Variants in KIF9 observed in about 807,000 individuals in gnomAD.
KIF9 encodes the protein kinesin-like protein KIF9.
Under a neutral mutation model 94.8 loss-of-function variants are expected in KIF9, and 68 were observed. That is an observed-to-expected ratio of 0.72 (90% CI 0.59 to 0.88). The LOEUF (loss-of-function observed/expected upper bound fraction) is 0.88, where lower values mean the gene tolerates loss of function less well. KIF9 is among the 40% of genes least tolerant of loss of function. The pLI is 0.00. For missense variants in KIF9, 882 were observed against 982.5 expected, an observed-to-expected ratio of 0.90 and a Z score of 1.37; for synonymous variants, 343 against 362.1, an observed-to-expected ratio of 0.95 and a Z score of 0.60.
chr3:47,282,305 A>T (rs1036561637), intron 1 of KIF9, 190 bp downstream of exon 1: 17 of 985,568 alleles, frequency 1.7e-5, no homozygotes, highest in Non-Finnish European at 1.9e-5. Flanking sequence ...AGCTCCGAAG[A>T]CCGTAAGCCG....
At chr3:47,247,249 C>A in intron 12 of KIF9, 124 bp downstream of exon 12, 1 of 659,962 alleles carries the variant, frequency 1.5e-6, no homozygotes, top group Admixed American at 2.2e-5. Flanking sequence ...GAGTCCAGCA[C>A]CACCCTCCAC....
At chr3:47,281,053 A>C (rs954322136) in intron 1 of KIF9, 2 of 702,836 alleles carry the variant, frequency 2.8e-6, no homozygotes, top group African/African-American at 1.7e-5. Flanking sequence ...TGTGCTTTTT[A>C]TCTCTTTTGA....
chr3:47,245,053 C>A, intron 14 of KIF9, 129 bp from the exon 15 acceptor site: 1 of 1,262,780 alleles, frequency 7.9e-7, no homozygotes, highest in East Asian at 2.5e-5. Flanking sequence ...TTGACAGCTG[C>A]TGATGCCAGC....
chr3:47,244,889 AC>A lies in KIF9; in HGVS notation c.1415del (p.Gly472ValfsTer46). 1.9e-6 allele frequency: 3 copies of A among 1,614,104 alleles called. No homozygotes were observed. The highest frequency in any genetic ancestry group is 2.5e-6 in the Non-Finnish European group (3 of 1,180,004). ...GTCCAAAGTTTTGTCCTTCAGGCTC[AC>A]CCACTAGGTGGCCATCAACATCCAC... ...GLVDVDGHLVGEPEGQNFGLG... is the reference protein window; with the variant it reads ...GLVDVDGHLVXEPEGQNFGLG... On this transcript the variant is annotated frameshift_variant, in exon 15 of 21. Transcript: ENST00000684063. LOFTEE classifies it high-confidence loss of function.
At chr3:47,240,023 C>T in intron 17 of KIF9, 1 of 1,021,058 alleles carries the variant, frequency 9.8e-7, no homozygotes, top group South Asian at 1.5e-5. Context: ...GGTCCTGGGC[C>T]CTGCTCCATC....
At chr3:47,235,846 A>G (rs1028771086) in intron 19 of KIF9, among the ~76,000 whole-genome samples, 188 bp downstream of exon 19, 1 of 152,132 alleles carries the variant, frequency 6.6e-6, no homozygotes, top group Non-Finnish European at 1.5e-5. Flanking sequence ...CAGTAGTAAG[A>G]GTGGTATTTT....
chr3:47,267,048 T>G lies in KIF9; in HGVS notation c.696A>C (p.Ser232=). The change falls in exon 7 of 21, where the codon TCA becomes TCC. Residue 232 remains serine (S), a synonymous_variant. Transcript: ENST00000684063. The stretch of plus-strand genomic sequence containing the variant: ...TTTTGGAAGTGATGTACTTTTCCTC[T>G]GATAAGGTCCGGGAATGGGCCTACA... ...IYLEAHSRTL[S]EEKYITSKIN... is the part of the protein sequence containing the mutation. The G allele has an allele frequency of 1.9e-6, 3 of 1,613,862 alleles. No homozygotes were observed. The highest frequency in any genetic ancestry group is 2.5e-6 in the Non-Finnish European group (3 of 1,179,972).
At chr3:47,264,442 T>C in intron 8 of KIF9, 92 bp from the exon 9 acceptor site, 2 of 419,570 alleles carry the variant, frequency 4.8e-6, no homozygotes, top group Non-Finnish European at 8.0e-6. Context: ...GAATGCTTTT[T>C]ATTTGTTTTT....
intron 15 of KIF9, 48 bp downstream of exon 15, chr3:47,244,743 A>C (rs1381019186): frequency 1.9e-6 from 3 of 1,608,086 alleles, no homozygotes; most frequent in South Asian, 2.2e-5. Context: ...CCATGCACCC[A>C]CCGAGGAGGG....
chr3:47,228,898 G>A (rs1698350075), intron 20 of KIF9, among the ~76,000 whole-genome samples, 196 bp from the exon 21 acceptor site: 1 of 152,164 alleles, frequency 6.6e-6, no homozygotes, highest in Admixed American at 6.5e-5. Flanking sequence ...TTATCCTAAA[G>A]AAAGTGTGTA....
intron 3 of KIF9, 138 bp downstream of exon 3, chr3:47,275,187 G>A (rs1401448261): frequency 2.9e-6 from 2 of 685,688 alleles, no homozygotes; most frequent in African/African-American, 1.8e-5. Context: ...CAAACAGTAA[G>A]TTTTGCAACG....
intron 3 of KIF9, among the ~76,000 whole-genome samples, chr3:47,274,144 G>A (rs1378141094): frequency 6.6e-6 from 1 of 152,224 alleles, no homozygotes; most frequent in Non-Finnish European, 1.5e-5. Context: ...GGCATTTTCT[G>A]TCAAGGGTGA....
intron 1 of KIF9, among the ~76,000 whole-genome samples, chr3:47,278,639 G>A (rs1041207753): frequency 2.0e-5 from 3 of 152,054 alleles, no homozygotes; most frequent in Admixed American, 6.6e-5. Flanking sequence ...AACCAGCCTG[G>A]GCAACATGGC....
At chr3:47,230,428 T>C (rs760175716) in intron 20 of KIF9, among the ~76,000 whole-genome samples, 3 of 151,988 alleles carry the variant, frequency 2.0e-5, no homozygotes, top group Admixed American at 6.6e-5. Context: ...TAAAAAATTG[T>C]TTTTAATTAA....
At chr3:47,236,355 T>G (rs768018243) in intron 18 of KIF9, 88 bp downstream of exon 18, 4 of 1,442,984 alleles carry the variant, frequency 2.8e-6, no homozygotes, top group Non-Finnish European at 3.8e-6. Context: ...AGAGAGAAAC[T>G]CTGAGGGTGC....
intron 1 of KIF9, chr3:47,281,044 G>A: frequency 2.8e-6 from 2 of 703,010 alleles, no homozygotes; most frequent in Non-Finnish European, 5.2e-6. Flanking sequence ...GGCAAGGATT[G>A]TGCTTTTTAT....
intron 9 of KIF9, among the ~76,000 whole-genome samples, chr3:47,258,254 T>C (rs1018699953): frequency 8.5e-5 from 13 of 152,104 alleles, no homozygotes; most frequent in Admixed American, 6.6e-5. Context: ...TTGTTTTGTT[T>C]TGTTCTTTTA....
rs755895487 is a variant in KIF9, at chr3:47,236,196, G to A, written c.2102-47C>T. 7.3e-6 allele frequency: 10 copies of A among 1,376,212 alleles called. No individual in the cohort carries two copies. In the African/African-American group the frequency reaches 1.0e-4, roughly 14 times the overall value. 85.3% of individuals were successfully genotyped at this position (1,376,212 alleles called of 1,614,324 possible). ...GAACTTGAGGAAGCCGGTAAGGGCT[G>A]TGTGCTGTCATCTGTCTTATATCTG... On this transcript the variant is annotated intron_variant, in intron 18 of 20. Coordinates refer to ENST00000684063, the MANE Select transcript of KIF9 (RefSeq NM_182902.4).
chr3:47,245,539 T>C (rs1187076965), intron 13 of KIF9, 28 bp from the exon 14 acceptor site: 12 of 1,562,976 alleles, frequency 7.7e-6, no homozygotes, highest in South Asian at 6.7e-5. Context: ...GAGAACAGCT[T>C]GTACCTGGGG....
Sources: gnomAD v4.1 joint callset for allele counts (sites outside exome capture counted in the v4.1 genomes callset) on GRCh38, gnomAD v4.1.1 for gene constraint, MANE v1.5 for transcripts, NCBI Gene and HGNC (gene_info 2026-07-23, HGNC 2026-07-21) for gene names.